Variants in EVI5 observed in about 807,000 individuals in gnomAD.
The protein encoded by EVI5 is ecotropic viral integration site 5 protein homolog.
A neutral mutation model predicts 112.0 loss-of-function variants in EVI5; 73 were observed. That is an observed-to-expected ratio of 0.65 (90% CI 0.54 to 0.79). The LOEUF is 0.79. EVI5 is among the 30% of genes least tolerant of loss of function. The pLI is 0.00. For synonymous variants in EVI5, 305 were observed against 319.9 expected, an observed-to-expected ratio of 0.95 and a Z score of 0.50; for missense variants, 900 against 968.8, an observed-to-expected ratio of 0.93 and a Z score of 0.94.
chr1:92,721,036 G>A (rs1453821278), intron 2 of EVI5, among the ~76,000 whole-genome samples: 1 of 152,192 alleles, frequency 6.6e-6, no homozygotes, highest in Non-Finnish European at 1.5e-5. Context: ...AACAGATGCT[G>A]GAGAGGATGT....
rs530523721 is a variant in EVI5 at position 92,627,206 on chromosome 1, C to G, written c.1528-1272G>C. On this transcript the variant is annotated intron_variant, in intron 14 of 19. Transcript: ENST00000684568. Reference sequence around the variant, plus strand: ...AGTCCTCAAAGTCCACTGAATTATTCTTATGCCTTTGCATCCTCCTAGCTT... The same window carrying G: ...AGTCCTCAAAGTCCACTGAATTATTGTTATGCCTTTGCATCCTCCTAGCTT... Among the ~76,000 whole-genome samples the G allele has an allele frequency of 4.6e-5, 7 of 152,288 alleles. No homozygotes were observed. The South Asian group carries it at 1.0e-3, about 23-fold the overall frequency.
chr1:92,691,722 A>G (rs1669534555), intron 9 of EVI5, among the ~76,000 whole-genome samples: 2 of 152,200 alleles, frequency 1.3e-5, no homozygotes, highest in Admixed American at 6.5e-5. Context: ...GGAAATGAGT[A>G]ACATCACGTA....
chr1:92,694,578 C>T (rs1047769245), intron 7 of EVI5, among the ~76,000 whole-genome samples, 190 bp from the exon 8 acceptor site: 10 of 152,126 alleles, frequency 6.6e-5, no homozygotes, highest in African/African-American at 2.4e-4. Context: ...TTACTCAGTT[C>T]TGCCACTACA....
intron 14 of EVI5, among the ~76,000 whole-genome samples, chr1:92,635,274 G>A (rs970475289): frequency 2.6e-5 from 4 of 152,220 alleles, no homozygotes; most frequent in East Asian, 3.9e-4. Flanking sequence ...CCCTGCCCCC[G>A]AGGTGGAGTC....
rs201367391 is a variant in EVI5, at chr1:92,624,291, T to C, written c.1712A>G (p.Lys571Arg). Reference sequence around the variant, plus strand: ...TTGTAACTCATTCATAGCATTTTTCTTGGGTGGGTCTTTCCATCTCCCAGT... The same window carrying C: ...TTGTAACTCATTCATAGCATTTTTCCTGGGTGGGTCTTTCCATCTCCCAGT... ...RTTGRWKDPP[K>R]KNAMNELQDE... Residue 571 changes from lysine (K) to arginine (R), a missense_variant, in exon 16 of 20, where the codon AAG becomes AGG. Physicochemically the swap from Lys to Arg is conservative, Grantham distance 26. Coordinates refer to ENST00000684568, the MANE Select transcript of EVI5 (RefSeq NM_001350197.2). 5 of 1,613,692 alleles carry C rather than the reference T, an allele frequency of 3.1e-6. No individual in the cohort carries two copies. Among genetic ancestry groups the C allele is most frequent in the Non-Finnish European group, 4.2e-6 (5 of 1,179,762 alleles).
intron 1 of EVI5, among the ~76,000 whole-genome samples, chr1:92,780,977 G>A (rs1684785757): frequency 6.6e-6 from 1 of 151,398 alleles, no homozygotes; most frequent in Non-Finnish European, 1.5e-5. Flanking sequence ...TCAGCCTCCT[G>A]AGTAGCTGGG....
chr1:92,760,430 A>G (rs1022736209), intron 1 of EVI5, among the ~76,000 whole-genome samples: 2 of 152,148 alleles, frequency 1.3e-5, no homozygotes, highest in African/African-American at 4.8e-5. Flanking sequence ...TACACTAAAC[A>G]ACAAAAGTTG....
At chr1:92,583,510 CAAAAAAAAA>C (rs71091290) in intron 18 of EVI5, among the ~76,000 whole-genome samples, 181 of 55,388 alleles carry the variant, frequency 3.3e-3, no homozygotes, top group Non-Finnish European at 4.2e-3. Flanking sequence ...GGCTCTGTCT[CAAAAAAAAA>C]AAAAAAAAAA....
At chr1:92,591,053 A>AC (rs1673775169) in intron 18 of EVI5, among the ~76,000 whole-genome samples, 1 of 152,224 alleles carries the variant, frequency 6.6e-6, no homozygotes, top group African/African-American at 2.4e-5. Flanking sequence ...CTTTACAGAC[A>AC]AGCAAATGCT....
Position 92,521,873 on chromosome 1 carries a change from C to A in EVI5, c.2167-7903G>T, listed in dbSNP as rs6686702. Reference sequence around the variant, plus strand: ...AATTTTAGTTTTATTATTTACTACACAAACTATACCTCAACTAAAGGCACC... The same window carrying A: ...AATTTTAGTTTTATTATTTACTACAAAAACTATACCTCAACTAAAGGCACC... On this transcript the variant is annotated intron_variant, in intron 19 of 19. Transcript: ENST00000684568. Among the ~76,000 whole-genome samples the A allele has an allele frequency of 3.3e-5, 5 of 152,168 alleles. No individual in the cohort carries two copies. The East Asian group carries it at 9.6e-4, about 29-fold the overall frequency.
rs534475299 is a variant in EVI5 at position 92,631,501 on chromosome 1, G to T, written c.1527+4701C>A. Among the ~76,000 whole-genome samples, 4 of 152,286 alleles carry T rather than the reference G, an allele frequency of 2.6e-5. No individual in the cohort carries two copies. In the East Asian group the frequency reaches 7.7e-4, roughly 29 times the overall value. The stretch of plus-strand genomic sequence containing the variant: ...CTGTTTGTCTGTTATTGGTGTATAA[G>T]AATGCTTGTGGTTTTTGCACACTGA... On this transcript the variant is annotated intron_variant, in intron 14 of 19. Coordinates refer to ENST00000684568, the MANE Select transcript of EVI5 (RefSeq NM_001350197.2).
intron 18 of EVI5, among the ~76,000 whole-genome samples, chr1:92,595,684 A>G (rs957835473): frequency 6.6e-6 from 1 of 152,338 alleles, no homozygotes; most frequent in Non-Finnish European, 1.5e-5. Flanking sequence ...CTGGGCCTCA[A>G]GTACCGGGTA....
Position 92,729,149 on chromosome 1 carries a change from T to A in EVI5, c.149+7249A>T, listed in dbSNP as rs542471288. Among the ~76,000 whole-genome samples, 18 of 152,336 alleles carry A rather than the reference T, an allele frequency of 1.2e-4. No homozygotes were observed. In the South Asian group the frequency reaches 3.5e-3, roughly 30 times the overall value. On this transcript the variant is annotated intron_variant, in intron 2 of 19. Coordinates refer to ENST00000684568, the MANE Select transcript of EVI5 (RefSeq NM_001350197.2). Reference sequence around the variant, plus strand: ...TTATGGTAAGAATAAATCTTCTATCTGTGAAACTGTGAAGGAAAAATAAAT... The same window carrying A: ...TTATGGTAAGAATAAATCTTCTATCAGTGAAACTGTGAAGGAAAAATAAAT...
chr1:92,545,502 C>G (rs1293551170), intron 19 of EVI5, among the ~76,000 whole-genome samples: 1 of 150,850 alleles, frequency 6.6e-6, no homozygotes, highest in Non-Finnish European at 1.5e-5. Context: ...TATTTAAGAA[C>G]ATAGAGAATT....
intron 1 of EVI5, among the ~76,000 whole-genome samples, chr1:92,772,412 C>G (rs1039288407): frequency 6.6e-6 from 1 of 150,688 alleles, no homozygotes; most frequent in Non-Finnish European, 1.5e-5. Context: ...CTGGCTAACA[C>G]AGTGAAACCC....
chr1:92,565,295 G>A (rs1023008727), intron 18 of EVI5, among the ~76,000 whole-genome samples: 2 of 152,132 alleles, frequency 1.3e-5, no homozygotes, highest in Admixed American at 6.5e-5. Flanking sequence ...CAGACACTAT[G>A]TATGCTACTC....
intron 13 of EVI5, among the ~76,000 whole-genome samples, chr1:92,652,684 T>C (rs1375592211): frequency 6.6e-6 from 1 of 152,182 alleles, no homozygotes; most frequent in African/African-American, 2.4e-5. Flanking sequence ...GTGGTGTGTA[T>C]GCACAATCAA....
chr1:92,774,823 C>T (rs1001048640), intron 1 of EVI5, among the ~76,000 whole-genome samples: 4 of 152,114 alleles, frequency 2.6e-5, no homozygotes, highest in Non-Finnish European at 5.9e-5. Flanking sequence ...GCAAACAGTA[C>T]AAGCAGAGAA....
At chr1:92,570,830 T>C (rs1306173245) in intron 18 of EVI5, among the ~76,000 whole-genome samples, 2 of 152,136 alleles carry the variant, frequency 1.3e-5, no homozygotes, top group African/African-American at 2.4e-5. Context: ...AACTTTGTAA[T>C]AGCACTTTGA....
Sources: gnomAD v4.1 joint callset for allele counts (sites outside exome capture counted in the v4.1 genomes callset) on GRCh38, gnomAD v4.1.1 for gene constraint, MANE v1.5 for transcripts, NCBI Gene and HGNC (gene_info 2026-07-23, HGNC 2026-07-21) for gene names.